Variants in AGTPBP1 observed in about 807,000 individuals in gnomAD.
AGTPBP1 encodes the protein ATP/GTP binding carboxypeptidase 1.
AGTPBP1 carries 70 observed loss-of-function variants against 143.9 expected under a neutral mutation model. That is an observed-to-expected ratio of 0.49 (90% CI 0.40 to 0.59). The LOEUF (loss-of-function observed/expected upper bound fraction) is 0.59. Ranked by LOEUF, AGTPBP1 falls within the 20% of genes least tolerant of loss-of-function variation. The pLI is 0.00. For missense variants in AGTPBP1, 1,229 were observed against 1,464.5 expected, an observed-to-expected ratio of 0.84 and a Z score of 2.62; for synonymous variants, 463 against 500.2, an observed-to-expected ratio of 0.93 and a Z score of 0.99.
intron 2 of AGTPBP1, among the ~76,000 whole-genome samples, chr9:85,699,066 A>T (rs1256997618): frequency 6.6e-6 from 1 of 152,182 alleles, no homozygotes; most frequent in Non-Finnish European, 1.5e-5. Context: ...AACAGTGAGA[A>T]AATTATGGAA....
At chr9:85,700,987 G>A (rs1362598694) in intron 2 of AGTPBP1, among the ~76,000 whole-genome samples, 6 of 151,610 alleles carry the variant, frequency 4.0e-5, no homozygotes, top group South Asian at 2.1e-4. Context: ...GCGCAATCTC[G>A]GCTCACTGCA....
At position 85,552,614 on chromosome 9, in the gene AGTPBP1, T is replaced by C. The variant is rs544684704; in HGVS notation, c.3504-5328A>G. 5.9e-5 allele frequency among the ~76,000 whole-genome samples: 9 copies of C among 152,316 alleles called. No individual in the cohort carries two copies. The South Asian group carries it at 1.7e-3, about 28-fold the overall frequency. On this transcript the variant is annotated intron_variant, in intron 25 of 25. Transcript: ENST00000357081. The stretch of plus-strand genomic sequence containing the variant: ...TCTCAGTGTAAAGCAGAGATAACAA[T>C]ATCAGTCTCACCCATCTCACAAAGT...
intron 7 of AGTPBP1, among the ~76,000 whole-genome samples, chr9:85,670,034 T>G (rs1834388344): frequency 6.6e-6 from 1 of 152,194 alleles, no homozygotes; most frequent in African/African-American, 2.4e-5. Flanking sequence ...CATTGAGAAG[T>G]TCCTAATTCA....
intron 3 of AGTPBP1, among the ~76,000 whole-genome samples, chr9:85,688,611 A>G (rs1271687100): frequency 1.3e-5 from 2 of 152,248 alleles, no homozygotes; most frequent in Non-Finnish European, 2.9e-5. Flanking sequence ...AAGATTAGCA[A>G]CAACCATGGG....
At chr9:85,638,316 A>G (rs1385576325) in intron 13 of AGTPBP1, among the ~76,000 whole-genome samples, 1 of 152,056 alleles carries the variant, frequency 6.6e-6, no homozygotes, top group Admixed American at 6.6e-5. Context: ...CTTTAAATGG[A>G]TACAGTTTAT....
chr9:85,709,085 A>G (rs554252540), intron 2 of AGTPBP1, among the ~76,000 whole-genome samples: 35 of 152,316 alleles, frequency 2.3e-4, no homozygotes, highest in South Asian at 2.3e-3. Flanking sequence ...CCTTTAGCAA[A>G]TCAAATCCAA....
At chr9:85,580,466 C>G (rs548284216) in intron 23 of AGTPBP1, among the ~76,000 whole-genome samples, 5 of 151,526 alleles carry the variant, frequency 3.3e-5, no homozygotes, top group South Asian at 2.1e-4. Context: ...GTCCCGGGTT[C>G]AAGCCATTAT....
intron 24 of AGTPBP1, among the ~76,000 whole-genome samples, chr9:85,576,088 T>C (rs1827882308): frequency 6.6e-6 from 1 of 152,200 alleles, no homozygotes; most frequent in African/African-American, 2.4e-5. Context: ...GAGTATTTTA[T>C]CTTAACCTCC....
chr9:85,694,100 G>A (rs1836073796), intron 2 of AGTPBP1, among the ~76,000 whole-genome samples: 2 of 152,154 alleles, frequency 1.3e-5, no homozygotes, highest in South Asian at 2.1e-4. Flanking sequence ...GAGGCTTGTA[G>A]GCCATTTTAA....
intron 6 of AGTPBP1, among the ~76,000 whole-genome samples, chr9:85,674,945 G>A (rs765761324): frequency 6.6e-6 from 1 of 152,038 alleles, no homozygotes; most frequent in Non-Finnish European, 1.5e-5. Context: ...CACCCAAGCT[G>A]GAGTGCAGTG....
intron 25 of AGTPBP1, among the ~76,000 whole-genome samples, chr9:85,573,457 C>G (rs990541745): frequency 6.6e-6 from 1 of 152,194 alleles, no homozygotes; most frequent in South Asian, 2.1e-4. Context: ...CCCGCTACAA[C>G]CTCCACCTCC....
At chr9:85,766,210 A>T in the AGTPBP1 span, among the ~76,000 whole-genome samples, 1 of 152,098 alleles carries the variant, frequency 6.6e-6, no homozygotes, top group Non-Finnish European at 1.5e-5. Flanking sequence ...ATATAAGAAA[A>T]CTGTAAACTC....
chr9:85,796,945 C>T, the AGTPBP1 span, among the ~76,000 whole-genome samples: 1 of 152,136 alleles, frequency 6.6e-6, no homozygotes, highest in East Asian at 1.9e-4. Flanking sequence ...CACCACCACA[C>T]CCGCCTAATT....
chr9:85,716,587 A>C (rs1432146046), intron 1 of AGTPBP1, among the ~76,000 whole-genome samples: 1 of 152,194 alleles, frequency 6.6e-6, no homozygotes, highest in Non-Finnish European at 1.5e-5. Flanking sequence ...CATCCAATAC[A>C]TCAGAAAGTC....
intron 1 of AGTPBP1, among the ~76,000 whole-genome samples, chr9:85,727,836 G>A (rs1838604618): frequency 6.6e-6 from 1 of 151,908 alleles, no homozygotes; most frequent in Admixed American, 6.6e-5. Context: ...GGGTAACATA[G>A]TGATACCTCC....
chr9:85,547,125 C>G lies in AGTPBP1; in HGVS notation c.3665G>C (p.Arg1222Thr). The part of the protein sequence containing the change: ...EEVLSDSELS[R>T]TYLP The stretch of plus-strand genomic sequence containing the variant: ...GCAGCGGGCTCAAGGTAGGTATGTT[C>G]TTGATAATTCAGAGTCAGAAAGTAC... The change falls in exon 26 of 26, where the codon AGA becomes ACA. Residue 1222 changes from arginine to threonine, a missense_variant. Arg to Thr is a moderately conservative substitution (Grantham distance 71). Coordinates refer to ENST00000357081, the MANE Select transcript of AGTPBP1 (RefSeq NM_001330701.2). 1 of 1,610,670 alleles carries G rather than the reference C, an allele frequency of 6.2e-7. No individual in the cohort carries two copies.
At chr9:85,720,235 G>T (rs769637240) in intron 1 of AGTPBP1, among the ~76,000 whole-genome samples, 9 of 152,166 alleles carry the variant, frequency 5.9e-5, no homozygotes, top group Admixed American at 3.3e-4. Context: ...CAGAAGGAAT[G>T]GTACCAGCTC....
chr9:85,765,200 T>C, the AGTPBP1 span: 1 of 264,284 alleles, frequency 3.8e-6, no homozygotes, highest in Non-Finnish European at 7.3e-6. Context: ...ATTTGCCTTC[T>C]CAGCTGGGGT....
chr9:85,572,004 GTTTTTTTTTTTTTTTTTTTTTTTTTTT>G (rs55882437), intron 25 of AGTPBP1, among the ~76,000 whole-genome samples: 3 of 43,434 alleles, frequency 6.9e-5, no homozygotes, highest in African/African-American at 1.3e-4. Context: ...GTTTGTGTGT[GTTTTTTTTTTTTTTTTTTTTTTTTTTT>G]TTTTTTTTTT....
Sources: gnomAD v4.1 joint callset for allele counts (sites outside exome capture counted in the v4.1 genomes callset) on GRCh38, gnomAD v4.1.1 for gene constraint, MANE v1.5 for transcripts, NCBI Gene and HGNC (gene_info 2026-07-23, HGNC 2026-07-21) for gene names.